The following PSD2 variants were observed in gnomAD, a reference collection of about 807,000 sequenced individuals.
PSD2 encodes the protein pleckstrin and Sec7 domain containing 2.
A neutral mutation model predicts 69.8 loss-of-function variants in PSD2; 38 were observed. The ratio of observed to expected loss-of-function variants is 0.54; its 90% CI spans 0.42 to 0.71. PSD2 has a LOEUF of 0.71. Among genes scored for constraint, PSD2 ranks in the 30% least tolerant of loss-of-function variants. The pLI is 0.00. For synonymous variants in PSD2, 412 were observed against 423.0 expected (o/e 0.97, Z 0.32); for missense variants, 943 against 1,014.5 (o/e 0.93, Z 0.96).
the PSD2 span, among the ~76,000 whole-genome samples, chr5:139,787,137 G>A: frequency 6.6e-6 from 1 of 152,196 alleles, no homozygotes; most frequent in African/African-American, 2.4e-5. Flanking sequence ...CACTCACTTA[G>A]CAGTGCTAGA....
chr5:139,835,241 A>G (rs1760688179), intron 8 of PSD2, among the ~76,000 whole-genome samples: 1 of 151,338 alleles, frequency 6.6e-6, no homozygotes, highest in South Asian at 2.1e-4. Context: ...ACACCCCTAA[A>G]TCTTCCTCAT....
At chr5:139,759,640 G>A in the PSD2 span, among the ~76,000 whole-genome samples, 3 of 152,210 alleles carry the variant, frequency 2.0e-5, no homozygotes, top group East Asian at 1.9e-4. Context: ...GGGCCGTGGC[G>A]GGCGCCGCGC....
Position 139,829,832 on chromosome 5 carries a change from A to G in PSD2, c.1270-3870A>G, listed in dbSNP as rs1760526457. Among the ~76,000 whole-genome samples, 5 of 152,160 alleles carry G rather than the reference A, an allele frequency of 3.3e-5. No individual in the cohort carries two copies. The South Asian group carries it at 1.0e-3, about 32-fold the overall frequency. On this transcript the variant is annotated intron_variant, in intron 7 of 14. Coordinates refer to ENST00000274710, the MANE Select transcript of PSD2 (RefSeq NM_032289.4). ...TTTTTGTCTGAATATCTGTTTTCAT[A>G]TTTTGGGGGTATATACCTAGGATTG...
upstream of PSD2, among the ~76,000 whole-genome samples, chr5:139,793,240 A>T (rs1759451073): frequency 6.6e-6 from 1 of 152,180 alleles, no homozygotes. Flanking sequence ...CACCATTCCC[A>T]GCCTGACCCT....
chr5:139,814,327 T>C lies in PSD2; in HGVS notation c.979T>C (p.Phe327Leu). Residue 327 changes from phenylalanine (F) to leucine (L), a missense_variant, in exon 4 of 15, where the codon TTC becomes CTC. Physicochemically the swap from Phe to Leu is conservative, Grantham distance 22. This residue lies in a region of PSD2 where 466 missense variants were observed against 445.0 expected (regional missense o/e 1.05). Coordinates refer to ENST00000274710, the MANE Select transcript of PSD2 (RefSeq NM_032289.4). The surrounding 1 kb of genome is among the most constrained non-coding windows in gnomAD (Gnocchi z 4.4). ...ACGCCGTCTCTACCACCTCGAGGGC[T>C]TCCAGCGCTGTGATGTGGCCCGGCA... is the stretch of plus-strand genomic sequence containing the variant. ...LARRLYHLEG[F>L]QRCDVARQLG... 1 of 1,610,872 alleles carries C rather than the reference T, an allele frequency of 6.2e-7. No individual in the cohort carries two copies. The highest frequency in any genetic ancestry group is 8.5e-7 in the Non-Finnish European group (1 of 1,178,780).
chr5:139,837,358 T>C lies in PSD2; in HGVS notation c.1665+120T>C. 9.7e-7 allele frequency: 1 copy of C among 1,028,326 alleles called. No individual in the cohort carries two copies. Among genetic ancestry groups the C allele is most frequent in the Non-Finnish European group, 1.4e-6 (1 of 692,316 alleles). 63.7% of individuals were successfully genotyped at this position (1,028,326 alleles called of 1,614,324 possible). A position where few individuals can be genotyped will look rare whatever the true frequency, so the allele number is the denominator to read the frequency against. On this transcript the variant is annotated intron_variant, in intron 11 of 14. Transcript: ENST00000274710. The surrounding 1 kb of genome is among the most constrained non-coding windows in gnomAD (Gnocchi z 5.0). ...GGGGCTCAGGCACATGCTGGGTCCT[T>C]CCCCAGACTTGGGCCCTCTCAGGGC...
chr5:139,751,966 A>AT, the PSD2 span, among the ~76,000 whole-genome samples: 32 of 151,544 alleles, frequency 2.1e-4, no homozygotes, highest in Admixed American at 2.1e-3. Context: ...CTAATGTTAA[A>AT]TTTTTTTGTA....
the PSD2 span, among the ~76,000 whole-genome samples, chr5:139,767,395 AC>A: frequency 2.6e-5 from 4 of 151,672 alleles, no homozygotes; most frequent in Non-Finnish European, 5.9e-5. Context: ...GATCACTGCA[AC>A]CTCCACCTCC....
At position 139,817,513 on chromosome 5, in the gene PSD2, A is replaced by C. The variant is rs1760150749; in HGVS notation, c.1049A>C (p.Tyr350Ser). Reference protein sequence around the residue: ...NEFSRLVAGEYLSFFDFSGLT... With the variant: ...NEFSRLVAGESLSFFDFSGLT... ...TTTAGCAGGCTGGTGGCCGGGGAGT[A>C]CCTCAGTTTCTTCGACTTCTCGGGC... is the stretch of plus-strand genomic sequence containing the variant. Residue 350 changes from tyrosine (Y) to serine (S), a missense_variant, in exon 5 of 15, where the codon TAC becomes TCC. Around this residue, in one of 3 missense-constraint regions of PSD2, gnomAD observed 312 missense variants for 400.7 expected, o/e 0.78. Coordinates refer to ENST00000274710, the MANE Select transcript of PSD2 (RefSeq NM_032289.4). The C allele has an allele frequency of 1.2e-6, 2 of 1,614,088 alleles. No homozygotes were observed. The highest frequency in any genetic ancestry group is 1.7e-6 in the Non-Finnish European group (2 of 1,180,024).
chr5:139,834,492 G>GA (rs987313403), intron 8 of PSD2, among the ~76,000 whole-genome samples: 22 of 151,090 alleles, frequency 1.5e-4, no homozygotes, highest in African/African-American at 5.3e-4. Flanking sequence ...TAGAGCTGGG[G>GA]ATCTCACTAT....
At chr5:139,756,043 C>T in the PSD2 span, among the ~76,000 whole-genome samples, 1 of 152,224 alleles carries the variant, frequency 6.6e-6, no homozygotes, top group Non-Finnish European at 1.5e-5. Context: ...CCTCCCGCGC[C>T]CCGCCAGGTG....
chr5:139,803,733 C>T (rs1206499338), intron 1 of PSD2, among the ~76,000 whole-genome samples: 1 of 152,196 alleles, frequency 6.6e-6, no homozygotes, highest in Non-Finnish European at 1.5e-5. Context: ...TTTAGGGTCA[C>T]TTTGGGATGT....
At chr5:139,754,337 TGGTA>T in the PSD2 span, among the ~76,000 whole-genome samples, 1 of 151,992 alleles carries the variant, frequency 6.6e-6, no homozygotes, top group Non-Finnish European at 1.5e-5. Context: ...GAGGCTTAGA[TGGTA>T]GGATCACTTG....
the PSD2 span, among the ~76,000 whole-genome samples, chr5:139,752,689 G>A: frequency 6.6e-6 from 1 of 151,994 alleles, no homozygotes; most frequent in African/African-American, 2.4e-5. Flanking sequence ...CACACACAAG[G>A]GCACACAAGC....
At chr5:139,831,952 C>G (rs900690975) in intron 7 of PSD2, among the ~76,000 whole-genome samples, 2 of 152,172 alleles carry the variant, frequency 1.3e-5, no homozygotes, top group Non-Finnish European at 2.9e-5. Context: ...TCCTAAGAGG[C>G]CACTTAGCCG....
chr5:139,796,868 T>A (rs1054903817), intron 1 of PSD2, among the ~76,000 whole-genome samples: 2 of 152,184 alleles, frequency 1.3e-5, no homozygotes, highest in Non-Finnish European at 2.9e-5. Flanking sequence ...CTAAGACTCC[T>A]GGCAGCCTGG....
chr5:139,743,343 G>A, the PSD2 span, among the ~76,000 whole-genome samples: 4 of 152,218 alleles, frequency 2.6e-5, no homozygotes, highest in Non-Finnish European at 5.9e-5. Flanking sequence ...TTACTGCTTC[G>A]TGTGGGGTAA....
chr5:139,778,889 C>CT, the PSD2 span, among the ~76,000 whole-genome samples: 1 of 148,336 alleles, frequency 6.7e-6, no homozygotes, highest in Non-Finnish European at 1.5e-5. Flanking sequence ...TGATAGTGCC[C>CT]TTGCACTCCA....
upstream of PSD2, among the ~76,000 whole-genome samples, chr5:139,792,620 G>A (rs113382739): frequency 2.7e-3 from 416 of 152,274 alleles, 1 homozygote; most frequent in African/African-American, 8.7e-3. Context: ...GAGAAGCTGC[G>A]CATTCTTCTT....
Sources: gnomAD v4.1 joint callset for allele counts (sites outside exome capture counted in the v4.1 genomes callset) on GRCh38, gnomAD v4.1.1 for gene constraint, gnomAD v4.1.1 regional missense constraint, Gnocchi (gnomAD v3.1) non-coding constraint, MANE v1.5 for transcripts, NCBI Gene and HGNC (gene_info 2026-07-23, HGNC 2026-07-21) for gene names.